The following THSD4 variants were observed in gnomAD, a reference collection of about 807,000 sequenced individuals.
THSD4 encodes thrombospondin type-1 domain-containing protein 4.
THSD4 carries 69 observed loss-of-function variants against 119.0 expected under a neutral mutation model. The ratio of observed to expected loss-of-function variants is 0.58; its 90% CI spans 0.48 to 0.71. The LOEUF (loss-of-function observed/expected upper bound fraction) is 0.71, where lower values mean the gene tolerates loss of function less well. Among genes scored for constraint, THSD4 ranks in the 30% least tolerant of loss-of-function variants. The pLI is 0.00. For synonymous variants in THSD4, 524 were observed against 540.4 expected (o/e 0.97, Z 0.42); for missense variants, 1,393 against 1,391.1 (o/e 1.00, Z -0.02).
At chr15:71,623,917 C>G (rs2050462334) in intron 7 of THSD4, among the ~76,000 whole-genome samples, 1 of 115,894 alleles carries the variant, frequency 8.6e-6, no homozygotes, top group Non-Finnish European at 1.8e-5. Flanking sequence ...GAGCAAAACT[C>G]CCTCTCAAGA....
chr15:71,682,709 G>A (rs1029167937), intron 8 of THSD4, among the ~76,000 whole-genome samples: 3 of 151,660 alleles, frequency 2.0e-5, no homozygotes, highest in Admixed American at 2.0e-4. Context: ...ACATTGGAAT[G>A]TGTAGAATGT....
chr15:71,518,948 A>C (rs763746377), intron 7 of THSD4, among the ~76,000 whole-genome samples: 2 of 152,242 alleles, frequency 1.3e-5, no homozygotes, highest in Non-Finnish European at 2.9e-5. Context: ...GAAGAACAGG[A>C]AGTTAAAAAA....
intron 14 of THSD4, among the ~76,000 whole-genome samples, chr15:71,753,117 T>C (rs2053479122): frequency 6.6e-6 from 1 of 152,198 alleles, no homozygotes; most frequent in Non-Finnish European, 1.5e-5. Context: ...AATCTTTACC[T>C]AAGTGAATTG....
chr15:71,513,732 A>T (rs1400918618), intron 7 of THSD4, among the ~76,000 whole-genome samples: 2 of 152,194 alleles, frequency 1.3e-5, no homozygotes, highest in South Asian at 4.1e-4. Flanking sequence ...TTGAACATGA[A>T]TATTATTAGC....
rs113781385 is a variant in THSD4 at position 71,293,955 on chromosome 15, T to C, written c.1015+37240T>C. On this transcript the variant is annotated intron_variant, in intron 6 of 17. Coordinates refer to ENST00000261862, the MANE Select transcript of THSD4 (RefSeq NM_024817.3). The stretch of plus-strand genomic sequence containing the variant: ...AAGGGTGTGAGACCACCGTGAATCC[T>C]GGGGCAGGGCACTTGCAGTACATGT... Among the ~76,000 whole-genome samples, 875 of 152,162 alleles carry C rather than the reference T, an allele frequency of 5.8e-3. 10 individuals are homozygous for C. The highest frequency in any genetic ancestry group is 0.019 in the African/African-American group (803 of 41,522).
At chr15:71,313,375 A>G (rs2045139533) in intron 6 of THSD4, among the ~76,000 whole-genome samples, 1 of 152,186 alleles carries the variant, frequency 6.6e-6, no homozygotes, top group Non-Finnish European at 1.5e-5. Flanking sequence ...TTCATGTTGG[A>G]CATTCCCTGC....
chr15:71,566,214 T>C (rs2049236293), intron 7 of THSD4, among the ~76,000 whole-genome samples: 1 of 151,892 alleles, frequency 6.6e-6, no homozygotes. Context: ...GGCACAGTTA[T>C]TCTATAACAA....
chr15:71,736,595 C>T (rs1050834696), intron 10 of THSD4, among the ~76,000 whole-genome samples: 5 of 151,984 alleles, frequency 3.3e-5, no homozygotes, highest in African/African-American at 7.3e-5. Context: ...CTCTCTTGCT[C>T]TCTTGGTCTC....
At chr15:71,614,980 G>T (rs750355633) in intron 7 of THSD4, among the ~76,000 whole-genome samples, 20 of 152,212 alleles carry the variant, frequency 1.3e-4, no homozygotes, top group Non-Finnish European at 7.3e-5. Flanking sequence ...TGTGCATGAG[G>T]TGTTGCGCGG....
intron 6 of THSD4, among the ~76,000 whole-genome samples, chr15:71,373,392 C>A (rs898092986): frequency 6.6e-6 from 1 of 151,816 alleles, no homozygotes; most frequent in African/African-American, 2.4e-5. Context: ...TATTGGGTGC[C>A]GAGTTCTCTG....
intron 7 of THSD4, among the ~76,000 whole-genome samples, chr15:71,658,021 CTCAT>C (rs2051224748): frequency 1.3e-5 from 2 of 152,204 alleles, no homozygotes; most frequent in South Asian, 4.1e-4. Flanking sequence ...TTTGGCGACT[CTCAT>C]TCATTCTTGA....
At chr15:71,735,665 G>A (rs1166075225) in intron 10 of THSD4, among the ~76,000 whole-genome samples, 11 of 95,448 alleles carry the variant, frequency 1.2e-4, no homozygotes, top group Non-Finnish European at 1.3e-4. Context: ...TCTCTCTCTC[G>A]TTCTCTGTCT....
At chr15:71,401,655 G>C (rs1289782587) in intron 6 of THSD4, among the ~76,000 whole-genome samples, 1 of 152,202 alleles carries the variant, frequency 6.6e-6, no homozygotes, top group Non-Finnish European at 1.5e-5. Flanking sequence ...CTGTTGGTGG[G>C]AGTGTAAACT....
intron 7 of THSD4, among the ~76,000 whole-genome samples, chr15:71,632,252 C>T (rs1379734503): frequency 6.6e-6 from 1 of 152,126 alleles, no homozygotes; most frequent in African/African-American, 2.4e-5. Flanking sequence ...TCTCTGTTGG[C>T]GTTGCCTGAG....
intron 6 of THSD4, among the ~76,000 whole-genome samples, chr15:71,297,725 C>T (rs1035676658): frequency 6.6e-6 from 1 of 152,188 alleles, no homozygotes; most frequent in Admixed American, 6.5e-5. Flanking sequence ...CCTTCCACCT[C>T]AGCCTCTCAA....
At chr15:71,273,043 G>T (rs141638332) in intron 6 of THSD4, among the ~76,000 whole-genome samples, 1 of 152,116 alleles carries the variant, frequency 6.6e-6, no homozygotes, top group Non-Finnish European at 1.5e-5. Context: ...CCACTTCTGG[G>T]TATATAGCCA....
intron 7 of THSD4, among the ~76,000 whole-genome samples, chr15:71,534,150 A>G (rs2048656292): frequency 6.6e-6 from 1 of 152,140 alleles, no homozygotes; most frequent in African/African-American, 2.4e-5. Flanking sequence ...GAGTCTCACT[A>G]TGTTGCCCGT....
chr15:71,335,700 G>T (rs900217737), intron 6 of THSD4, among the ~76,000 whole-genome samples: 5 of 152,260 alleles, frequency 3.3e-5, no homozygotes, highest in African/African-American at 1.2e-4. Context: ...CGAAGATGAT[G>T]CCACTCTGGA....
chr15:71,422,309 C>T (rs994781460), intron 7 of THSD4, among the ~76,000 whole-genome samples: 5 of 152,160 alleles, frequency 3.3e-5, no homozygotes, highest in Non-Finnish European at 5.9e-5. Flanking sequence ...TGTTTGTACT[C>T]GTCCTTCTTT....
Sources: gnomAD v4.1 joint callset for allele counts (sites outside exome capture counted in the v4.1 genomes callset) on GRCh38, gnomAD v4.1.1 for gene constraint, MANE v1.5 for transcripts, NCBI Gene and HGNC (gene_info 2026-07-23, HGNC 2026-07-21) for gene names.